Variants in EHMT2 observed in about 807,000 individuals in gnomAD.
The protein encoded by EHMT2 is histone-lysine N-methyltransferase EHMT2.
EHMT2 carries 59 observed loss-of-function variants against 143.3 expected under a neutral mutation model. The observed-to-expected ratio is 0.41, with a 90% CI of 0.33 to 0.51. EHMT2 has a LOEUF of 0.51. Ranked by LOEUF, EHMT2 falls within the 20% of genes least tolerant of loss-of-function variation. EHMT2 has a pLI of 0.18. For missense variants in EHMT2, 1,174 were observed against 1,645.9 expected, an observed-to-expected ratio of 0.71 and a Z score of 4.96; for synonymous variants, 604 against 651.5, an observed-to-expected ratio of 0.93 and a Z score of 1.11.
Position 31,888,906 on chromosome 6 carries a change from C to T in EHMT2, c.1216+63G>A. 1.3e-6 allele frequency: 2 copies of T among 1,519,528 alleles called. No homozygotes were observed. The highest frequency in any genetic ancestry group is 1.8e-6 in the Non-Finnish European group (2 of 1,118,650). 94.1% of individuals were successfully genotyped at this position (1,519,528 alleles called of 1,614,324 possible). A position where few individuals can be genotyped will look rare whatever the true frequency, so the allele number is the denominator to read the frequency against. On this transcript the variant is annotated intron_variant, in intron 10 of 27. Transcript: ENST00000375537. The surrounding 1 kb of genome is among the most constrained non-coding windows in gnomAD (Gnocchi z 7.4). ...CGGCTCTGGCGTGGTTCCCCTCCTT[C>T]CCTTTCCCTCCTGCCCTGAGGTCGC...
chr6:31,886,987 G>T lies in EHMT2; in HGVS notation c.2118+8C>A, dbSNP rs748102895. 84 of 1,613,698 alleles carry T rather than the reference G, an allele frequency of 5.2e-5. No homozygotes were observed. In the South Asian group the frequency reaches 8.5e-4, roughly 16 times the overall value. ...GTGAATGAGGCATGGGGCCGGGCCC[G>T]TGCTGACCTGCAGCAGCACATGGCA... is the stretch of plus-strand genomic sequence containing the variant. On this transcript the variant is annotated splice_region_variant and intron_variant, in intron 16 of 27. Coordinates refer to ENST00000375537, the Ensembl canonical transcript of EHMT2.
At chr6:31,887,556 G>A (rs1367576668) in intron 15 of EHMT2, 21 bp downstream of exon 15, 4 of 1,611,264 alleles carry the variant, frequency 2.5e-6, no homozygotes, top group South Asian at 2.2e-5. Flanking sequence ...AAGGTCTGCT[G>A]AAGGAATGGG....
chr6:31,886,019 G>A (rs923955959), intron 18 of EHMT2: 6 of 152,140 alleles, frequency 3.9e-5, no homozygotes, highest in African/African-American at 9.7e-5. Flanking sequence ...CCTGGGAGGC[G>A]GAGCTTGCAG....
At position 31,884,770 on chromosome 6, in the gene EHMT2, G is replaced by A. The variant is rs765495885; in HGVS notation, c.2478C>T (p.Ser826=). 6.2e-7 allele frequency: 1 copy of A among 1,602,068 alleles called. No homozygotes were observed. Among genetic ancestry groups the A allele is most frequent in the Non-Finnish European group, 8.5e-7 (1 of 1,174,746 alleles). Residue 826 remains serine, a synonymous_variant, in exon 20 of 28, where the codon TCC becomes TCT. Transcript: ENST00000375537. This position sits in a 1 kb window ranked among gnomAD's most constrained non-coding sequence, Gnocchi z 7.3. ...CGGCGATGGCGGCGCTGCCCGTGAA[G>A]GAGGCCCAGTGCAGGCAGATGTTCT...
At chr6:31,887,217 C>T in intron 15 of EHMT2, 116 bp from the exon 16 acceptor site, 1 of 826,338 alleles carries the variant, frequency 1.2e-6, no homozygotes, top group Non-Finnish European at 1.9e-6. Context: ...ATCAGGGCCC[C>T]TCCTGGCATT....
In EHMT2 at chr6:31,889,179, G is replaced by A. The variant is rs778505247; in HGVS notation, c.1114+49C>T. On this transcript the variant is annotated intron_variant, in intron 9 of 27. Coordinates refer to ENST00000375537, the Ensembl canonical transcript of EHMT2. The surrounding 1 kb of genome is among the most constrained non-coding windows in gnomAD (Gnocchi z 5.1). ...TGTGTGTGCGTGCACACACTCTGGG[G>A]GGCCGGGCGGGGGCTGGAGGGCACC... The A allele has an allele frequency of 6.4e-7, 1 of 1,562,362 alleles. No individual in the cohort carries two copies. The highest frequency in any genetic ancestry group is 1.1e-5 in the South Asian group (1 of 86,986).
intron 7 of EHMT2, 133 bp downstream of exon 7, chr6:31,892,273 TG>T: frequency 9.7e-7 from 1 of 1,026,106 alleles, no homozygotes; most frequent in Non-Finnish European, 1.4e-6. Flanking sequence ...ATAGACAGCA[TG>T]GGGCAATGAC....
At chr6:31,896,509 G>A (rs1433071330) in exon 4 of EHMT2, 3 of 1,612,678 alleles carry the variant, frequency 1.9e-6, no homozygotes, top group Non-Finnish European at 2.5e-6. Context: ...ATGACTTTGT[G>A]GCATGGCCTA....
In EHMT2 at chr6:31,889,118, G is replaced by A. The variant is rs750385376; in HGVS notation, c.1115-48C>T. The stretch of plus-strand genomic sequence containing the variant: ...GAGAGTGCGAGCTCACAGGTGCCTG[G>A]ACGCGTGGGTACATGCAGGTGGACA... On this transcript the variant is annotated intron_variant, in intron 9 of 27. Transcript: ENST00000375537. The surrounding 1 kb of genome is among the most constrained non-coding windows in gnomAD (Gnocchi z 5.1). 11 of 1,546,690 alleles carry A rather than the reference G, an allele frequency of 7.1e-6. No homozygotes were observed. Among genetic ancestry groups the A allele is most frequent in the Non-Finnish European group, 7.9e-6 (9 of 1,134,166 alleles).
At chr6:31,890,157 G>C (rs1251344986) in intron 7 of EHMT2, among the ~76,000 whole-genome samples, 4 of 152,128 alleles carry the variant, frequency 2.6e-5, no homozygotes, top group African/African-American at 7.2e-5. Flanking sequence ...TATGGGCAGA[G>C]AGGATGTGTC....
chr6:31,880,660 C>T lies in EHMT2; in HGVS notation c.3452+13G>A, dbSNP rs1763987386. ...CCCCCTGGCAGAGCCCCTAGAGACC[C>T]CTAGAGTCTCACCCTAGCTCCTCCC... On this transcript the variant is annotated intron_variant, in intron 27 of 27. Coordinates refer to ENST00000375537, the Ensembl canonical transcript of EHMT2. The surrounding 1 kb of genome is among the most constrained non-coding windows in gnomAD (Gnocchi z 6.6). The T allele has an allele frequency of 6.2e-7, 1 of 1,612,888 alleles. No individual in the cohort carries two copies. Among genetic ancestry groups the T allele is most frequent in the African/African-American group, 1.3e-5 (1 of 74,886 alleles).
At chr6:31,882,580 G>GGAAT in intron 25 of EHMT2, 119 bp downstream of exon 25, 1 of 999,368 alleles carries the variant, frequency 1.0e-6, no homozygotes, top group Admixed American at 2.1e-5. Flanking sequence ...GCTGGCTGGA[G>GGAAT]AGTGGCCAGA....
rs764750897 is a variant in EHMT2 at position 31,887,056 on chromosome 6, C to T, written c.2057G>A (p.Arg686His). Residue 686 changes from arginine (R) to histidine (H), a missense_variant, in exon 16 of 28, where the codon CGC becomes CAC. By Grantham distance (29) the Arg-to-His change is conservative. Around this residue, in one of 6 missense-constraint regions of EHMT2, gnomAD observed 608 missense variants for 903.7 expected, o/e 0.67. Coordinates refer to ENST00000375537, the Ensembl canonical transcript of EHMT2. ...CTGGGCGGCTGCATGCAGGGGCGTG[C>T]GCTTGCTCTGCTGGTCGCTCTGGAA... The T allele has an allele frequency of 3.7e-6, 6 of 1,612,790 alleles. No individual in the cohort carries two copies. The South Asian group carries it at 6.6e-5, about 18-fold the overall frequency.
Position 31,880,062 on chromosome 6 carries a change from GGA to G in EHMT2, c.*20_*21del. On this transcript the variant is annotated 3_prime_UTR_variant, in exon 28 of 28. Coordinates refer to ENST00000375537, the Ensembl canonical transcript of EHMT2. This position sits in a 1 kb window ranked among gnomAD's most constrained non-coding sequence, Gnocchi z 6.6. Reference sequence around the variant, plus strand: ...GCTGAGCTGTGGCCATCCATGCTGGGGAGAGAGGGTGTGGTCCGTTCTCATGT... The same window carrying G: ...GCTGAGCTGTGGCCATCCATGCTGGGGAGAGGGTGTGGTCCGTTCTCATGT... The G allele has an allele frequency of 6.2e-7, 1 of 1,604,710 alleles. No homozygotes were observed. Among genetic ancestry groups the G allele is most frequent in the Non-Finnish European group, 8.5e-7 (1 of 1,174,550 alleles).
At chr6:31,897,068 A>G in intron 1 of EHMT2, 79 bp from the exon 2 acceptor site, 5 of 1,499,650 alleles carry the variant, frequency 3.3e-6, no homozygotes, top group Non-Finnish European at 3.5e-6. Flanking sequence ...GGGCCCTGGG[A>G]AGAGAGAGTA....
chr6:31,890,928 G>A (rs889945508), intron 7 of EHMT2, among the ~76,000 whole-genome samples: 4 of 151,404 alleles, frequency 2.6e-5, no homozygotes, highest in Non-Finnish European at 4.4e-5. Flanking sequence ...TACTGAGAGA[G>A]ACCTAAGACA....
At position 31,886,815 on chromosome 6, in the gene EHMT2, G is replaced by A. The variant is rs199945298; in HGVS notation, c.2201C>T (p.Ala734Val). 16 of 1,614,234 alleles carry A rather than the reference G, an allele frequency of 9.9e-6. No homozygotes were observed. Among genetic ancestry groups the A allele is most frequent in the Non-Finnish European group, 1.4e-5 (16 of 1,180,044 alleles). ...GCCACCACGCTGCACCATGTAACGG[G>A]CTACCTCCAGGTGGTTGTTCACCAC... Residue 734 changes from alanine to valine, a missense_variant, in exon 17 of 28, where the codon GCC becomes GTC. Ala to Val is a moderately conservative substitution (Grantham distance 64, BLOSUM62 0). Coordinates refer to ENST00000375537, the Ensembl canonical transcript of EHMT2.
chr6:31,887,577 A>G (rs1256500390), exon 15 of EHMT2: 1 of 1,612,936 alleles, frequency 6.2e-7, no homozygotes, highest in African/African-American at 1.3e-5. Flanking sequence ...TGGCACTCAC[A>G]CAGCATCAGG....
At chr6:31,895,783 C>T (rs1459880485) in intron 4 of EHMT2, 1 of 157,276 alleles carries the variant, frequency 6.4e-6, no homozygotes, top group Non-Finnish European at 1.4e-5. Flanking sequence ...CAGTTTTTTC[C>T]TTTAGGTCAA....
Sources: gnomAD v4.1 joint callset for allele counts (sites outside exome capture counted in the v4.1 genomes callset) on GRCh38, gnomAD v4.1.1 for gene constraint, gnomAD v4.1.1 regional missense constraint, Gnocchi (gnomAD v3.1) non-coding constraint, MANE v1.5 for transcripts, NCBI Gene and HGNC (gene_info 2026-07-23, HGNC 2026-07-21) for gene names.